Variants in IQGAP2 observed in about 807,000 individuals in gnomAD.
The protein encoded by IQGAP2 is IQ motif containing GTPase activating protein 2, also known as ras GTPase-activating-like protein IQGAP2.
Under a neutral mutation model 201.3 loss-of-function variants are expected in IQGAP2, and 173 were observed. The ratio of observed to expected loss-of-function variants is 0.86; its 90% CI spans 0.76 to 0.98. The LOEUF (loss-of-function observed/expected upper bound fraction) is 0.98, where lower values mean the gene tolerates loss of function less well. Among genes scored for constraint, IQGAP2 ranks in the 50% least tolerant of loss-of-function variants. The pLI is 0.00. For missense variants in IQGAP2, 1,687 were observed against 1,864.8 expected, an observed-to-expected ratio of 0.90 and a Z score of 1.76; for synonymous variants, 675 against 673.9, an observed-to-expected ratio of 1.00 and a Z score of -0.03.
At chr5:76,631,385 T>C (rs2150383780) in intron 14 of IQGAP2, among the ~76,000 whole-genome samples, 2 of 152,286 alleles carry the variant, frequency 1.3e-5, no homozygotes, top group Middle Eastern at 3.4e-3. Context: ...AGAACACTTG[T>C]TTAGGTTGTT....
At chr5:76,537,135 CA>C (rs1759672150) in intron 2 of IQGAP2, among the ~76,000 whole-genome samples, 1 of 152,184 alleles carries the variant, frequency 6.6e-6, no homozygotes, top group Non-Finnish European at 1.5e-5. Context: ...GCTTACTAAA[CA>C]AAATTCCTTT....
chr5:76,696,626 A>G (rs1424459133), intron 32 of IQGAP2, among the ~76,000 whole-genome samples: 1 of 152,120 alleles, frequency 6.6e-6, no homozygotes, highest in Non-Finnish European at 1.5e-5. Context: ...AAATGCGCTC[A>G]GCTTTGTTCT....
At chr5:76,610,177 G>GGCTAGAGT (rs1345475672) in intron 12 of IQGAP2, among the ~76,000 whole-genome samples, 4 of 118,814 alleles carry the variant, frequency 3.4e-5, no homozygotes, top group Non-Finnish European at 4.9e-5. Context: ...CTGTCACCCA[G>GGCTAGAGT]GCTAGAGTGC....
At chr5:76,579,197 T>C (rs149133908) in intron 5 of IQGAP2, among the ~76,000 whole-genome samples, 90 of 152,282 alleles carry the variant, frequency 5.9e-4, no homozygotes, top group African/African-American at 2.0e-3. Flanking sequence ...TTTCACTCAT[T>C]TTGTTTATTA....
At chr5:76,519,034 A>T (rs1758511189) in intron 2 of IQGAP2, among the ~76,000 whole-genome samples, 1 of 152,142 alleles carries the variant, frequency 6.6e-6, no homozygotes, top group South Asian at 2.1e-4. Context: ...CCCAACACAG[A>T]TATGTTTCAA....
At chr5:76,562,761 C>A (rs1160774381) in intron 3 of IQGAP2, among the ~76,000 whole-genome samples, 1 of 152,202 alleles carries the variant, frequency 6.6e-6, no homozygotes, top group African/African-American at 2.4e-5. Context: ...AGACCTCTGA[C>A]TTATGGGGCT....
At position 76,409,485 on chromosome 5, in the gene IQGAP2, G is replaced by C. The variant is rs376206731; in HGVS notation, c.46+5894G>C. 3.9e-4 allele frequency among the ~76,000 whole-genome samples: 59 copies of C among 152,068 alleles called. No homozygotes were observed. The East Asian group carries it at 0.011, about 28-fold the overall frequency. On this transcript the variant is annotated intron_variant, in intron 1 of 35. Coordinates refer to ENST00000274364, the MANE Select transcript of IQGAP2 (RefSeq NM_006633.5). ...TGGTCTCGAACTCCTGAGCTCAAAT[G>C]ATCTGCCTTCCTCAGCCTCCCAAAT...
At chr5:76,500,199 C>T (rs755553138) in intron 2 of IQGAP2, among the ~76,000 whole-genome samples, 1 of 152,134 alleles carries the variant, frequency 6.6e-6, no homozygotes, top group Non-Finnish European at 1.5e-5. Flanking sequence ...CTGTTGCATG[C>T]TACCACTTCC....
Position 76,562,397 on chromosome 5 carries a change from T to C in IQGAP2, c.148T>C (p.Trp50Arg). ...YLCHLEEAKR[W>R]MEVCLVEELP... ...ATATTTTTTTTTTAATCTCTTTAGG[T>C]GGATGGAAGTTTGCTTAGTTGAAGA... The change falls in exon 3 of 36, where the codon TGG (tryptophan) becomes CGG (arginine). Residue 50 changes from tryptophan (W) to arginine (R), a missense_variant and splice_region_variant. Trp to Arg is a moderately radical substitution (Grantham distance 101). Coordinates refer to ENST00000274364, the MANE Select transcript of IQGAP2 (RefSeq NM_006633.5). 1 of 1,609,414 alleles carries C rather than the reference T, an allele frequency of 6.2e-7. No individual in the cohort carries two copies. The highest frequency in any genetic ancestry group is 8.5e-7 in the Non-Finnish European group (1 of 1,177,958).
At chr5:76,614,098 A>G (rs903364178) in intron 13 of IQGAP2, among the ~76,000 whole-genome samples, 3 of 152,168 alleles carry the variant, frequency 2.0e-5, no homozygotes, top group South Asian at 2.1e-4. Context: ...CCACAGCCAC[A>G]TGGGGGTTTG....
intron 1 of IQGAP2, among the ~76,000 whole-genome samples, chr5:76,415,784 A>AG (rs1751372561): frequency 6.6e-6 from 1 of 152,188 alleles, no homozygotes; most frequent in Non-Finnish European, 1.5e-5. Flanking sequence ...TCTATTAAAA[A>AG]TACAAAAAAT....
At chr5:76,560,630 T>G (rs6453231) in intron 2 of IQGAP2, among the ~76,000 whole-genome samples, 88,256 of 152,032 alleles carry the variant, frequency 0.58, 27,168 homozygotes, top group African/African-American at 0.77. Flanking sequence ...ATAACCCAAT[T>G]ATTCCCCTTT....
chr5:76,502,419 G>A (rs1010895530), intron 2 of IQGAP2, among the ~76,000 whole-genome samples: 10 of 152,150 alleles, frequency 6.6e-5, no homozygotes, highest in Non-Finnish European at 1.5e-4. Context: ...CCCTGCCTGT[G>A]ACCAGTGAAT....
intron 13 of IQGAP2, chr5:76,616,209 A>T (rs1410816167): frequency 6.6e-6 from 1 of 152,270 alleles, no homozygotes; most frequent in African/African-American, 2.4e-5. Context: ...CAGATAAGAA[A>T]AGTGACACTT....
intron 2 of IQGAP2, among the ~76,000 whole-genome samples, chr5:76,488,906 T>C (rs1004307077): frequency 2.0e-5 from 3 of 152,194 alleles, no homozygotes; most frequent in Non-Finnish European, 4.4e-5. Flanking sequence ...AGCACCCGGC[T>C]GAGTTGTCCT....
intron 13 of IQGAP2, among the ~76,000 whole-genome samples, chr5:76,619,423 A>G (rs1029994294): frequency 1.3e-5 from 2 of 152,114 alleles, no homozygotes; most frequent in African/African-American, 4.8e-5. Context: ...AGCCCCCCGC[A>G]AAGATTCTAC....
chr5:76,702,365 G>T, intron 34 of IQGAP2, 117 bp from the exon 35 acceptor site: 1 of 605,516 alleles, frequency 1.7e-6, no homozygotes. Flanking sequence ...ACTTCCTTAG[G>T]ATTTTCTCAA....
At chr5:76,559,118 A>G (rs1015754872) in intron 2 of IQGAP2, among the ~76,000 whole-genome samples, 21 of 151,834 alleles carry the variant, frequency 1.4e-4, no homozygotes, top group African/African-American at 2.7e-4. Flanking sequence ...AGCCAGGATG[A>G]TCTCTATCTC....
intron 2 of IQGAP2, among the ~76,000 whole-genome samples, chr5:76,516,868 A>T (rs752060948): frequency 4.6e-5 from 7 of 152,224 alleles, no homozygotes; most frequent in Non-Finnish European, 8.8e-5. Context: ...ATCTTAACTT[A>T]AAAAATTTTA....
Sources: allele counts gnomAD v4.1 joint callset (sites outside exome capture counted in the v4.1 genomes callset), GRCh38; gene constraint gnomAD v4.1.1; transcripts MANE v1.5; gene names NCBI Gene and HGNC (gene_info 2026-07-23, HGNC 2026-07-21).